The following DGKB variants were observed in gnomAD, a reference collection of about 807,000 sequenced individuals.
DGKB encodes the protein 90 kDa diacylglycerol kinase.
A neutral mutation model predicts 114.3 loss-of-function variants in DGKB; 67 were observed. That is an observed-to-expected ratio of 0.59 (90% CI 0.48 to 0.72). The LOEUF is 0.72. DGKB is among the 30% of genes least tolerant of loss of function. The pLI, the probability that DGKB is intolerant of heterozygous loss-of-function variation, is 0.00. For synonymous variants in DGKB, 398 were observed against 323.1 expected, an observed-to-expected ratio of 1.23 and a Z score of -2.49; for missense variants, 907 against 975.2, an observed-to-expected ratio of 0.93 and a Z score of 0.93.
At chr7:14,946,882 C>A (rs533001867) in intron 1 of DGKB, among the ~76,000 whole-genome samples, 1 of 151,748 alleles carries the variant, frequency 6.6e-6, no homozygotes, top group East Asian at 1.9e-4. Context: ...TATAATCCAA[C>A]AAATCATCAA....
intron 2 of DGKB, among the ~76,000 whole-genome samples, chr7:14,787,620 G>A (rs1449567810): frequency 2.6e-5 from 4 of 152,084 alleles, no homozygotes; most frequent in Admixed American, 6.5e-5. Flanking sequence ...AAGTGTGGTC[G>A]GGGTAACAGT....
intron 23 of DGKB, among the ~76,000 whole-genome samples, chr7:14,267,342 G>T (rs2128424336): frequency 6.6e-6 from 1 of 152,236 alleles, no homozygotes. Flanking sequence ...GAAGAAGGTG[G>T]ACCTAGGTGA....
Position 14,521,679 on chromosome 7 carries a change from T to C in DGKB, c.1771-43454A>G, listed in dbSNP as rs1789793555. Among the ~76,000 whole-genome samples, 3 of 152,192 alleles carry C rather than the reference T, an allele frequency of 2.0e-5. No homozygotes were observed. In the South Asian group the frequency reaches 6.2e-4, roughly 31 times the overall value. ...ATTTTCATGGATCCCTTTAATTCTTTGAACAATTTTTATTTTTAAAACACA... is the reference window on the plus strand; with the variant it reads ...ATTTTCATGGATCCCTTTAATTCTTCGAACAATTTTTATTTTTAAAACACA... On this transcript the variant is annotated intron_variant, in intron 20 of 25. Transcript: ENST00000402815.
At chr7:14,805,667 G>T (rs757794601) in intron 2 of DGKB, among the ~76,000 whole-genome samples, 15 of 151,828 alleles carry the variant, frequency 9.9e-5, no homozygotes, top group Non-Finnish European at 1.9e-4. Flanking sequence ...AATCTTTAGA[G>T]AATTTTTTTT....
chr7:14,240,711 A>G (rs1157852299), intron 23 of DGKB, among the ~76,000 whole-genome samples: 1 of 152,104 alleles, frequency 6.6e-6, no homozygotes, highest in Admixed American at 6.6e-5. Flanking sequence ...AGTGGTGAGA[A>G]GCTACCTTTC....
intron 13 of DGKB, among the ~76,000 whole-genome samples, chr7:14,664,834 T>C (rs1020560033): frequency 1.3e-5 from 2 of 151,760 alleles, no homozygotes; most frequent in Admixed American, 6.6e-5. Flanking sequence ...AGACAACTGC[T>C]CTTATCTGGA....
intron 23 of DGKB, among the ~76,000 whole-genome samples, chr7:14,276,797 C>T (rs890106053): frequency 6.6e-5 from 10 of 151,774 alleles, no homozygotes; most frequent in Admixed American, 6.6e-4. Context: ...CTTTAATTTA[C>T]AGATAAAGGA....
At chr7:14,496,250 T>C (rs1254607748) in intron 20 of DGKB, among the ~76,000 whole-genome samples, 1 of 151,908 alleles carries the variant, frequency 6.6e-6, no homozygotes, top group Admixed American at 6.6e-5. Context: ...AATGCCCATA[T>C]GGTCAAACTT....
At chr7:14,153,139 A>T (rs1166737050) in intron 25 of DGKB, among the ~76,000 whole-genome samples, 2 of 152,100 alleles carry the variant, frequency 1.3e-5, no homozygotes, top group African/African-American at 2.4e-5. Context: ...GGGAAGAGAG[A>T]TGGGTCTTCC....
chr7:14,766,821 A>G (rs2128463604), intron 2 of DGKB, among the ~76,000 whole-genome samples: 1 of 152,002 alleles, frequency 6.6e-6, no homozygotes, highest in East Asian at 1.9e-4. Flanking sequence ...ATGAATGCCT[A>G]GTGAAATAGC....
chr7:14,455,243 A>G (rs577316462), intron 21 of DGKB, among the ~76,000 whole-genome samples: 24 of 152,120 alleles, frequency 1.6e-4, no homozygotes, highest in African/African-American at 5.3e-4. Flanking sequence ...TCTGCTAGAG[A>G]GCTTGGAACA....
At chr7:14,959,318 G>T (rs1786702358) in intron 1 of DGKB, among the ~76,000 whole-genome samples, 1 of 151,054 alleles carries the variant, frequency 6.6e-6, no homozygotes, top group Admixed American at 6.6e-5. Flanking sequence ...TACTGATTTT[G>T]ACAGACTGAT....
chr7:14,671,208 C>T (rs751756465), intron 13 of DGKB, among the ~76,000 whole-genome samples: 4 of 152,006 alleles, frequency 2.6e-5, no homozygotes, highest in East Asian at 1.9e-4. Context: ...AGGGATGCAC[C>T]GACATGGGCA....
chr7:14,297,417 C>T (rs79318427), intron 23 of DGKB, among the ~76,000 whole-genome samples: 2 of 152,172 alleles, frequency 1.3e-5, no homozygotes, highest in Middle Eastern at 3.4e-3. Context: ...AATCAATAAA[C>T]GTAAACCATC....
chr7:14,172,077 A>G (rs1781082394), intron 25 of DGKB, among the ~76,000 whole-genome samples: 1 of 152,224 alleles, frequency 6.6e-6, no homozygotes, highest in South Asian at 2.1e-4. Context: ...GGAAGCATTT[A>G]TGGAGGAGGG....
At chr7:14,331,257 G>A (rs543982576) in intron 23 of DGKB, among the ~76,000 whole-genome samples, 31 of 151,958 alleles carry the variant, frequency 2.0e-4, no homozygotes, top group African/African-American at 7.0e-4. Context: ...TTTGTGAAAT[G>A]CAACATCTCA....
At chr7:14,747,778 C>T (rs992135928) in intron 4 of DGKB, among the ~76,000 whole-genome samples, 12 of 151,738 alleles carry the variant, frequency 7.9e-5, no homozygotes, top group South Asian at 2.1e-4. Context: ...TCCACGCGCA[C>T]GCACACACAC....
rs186239954 is a variant in DGKB, at chr7:14,424,686, A to C, written c.1835+53475T>G. Among the ~76,000 whole-genome samples, 192 of 152,246 alleles carry C rather than the reference A, an allele frequency of 1.3e-3. 1 individual carries two copies. The highest frequency in any genetic ancestry group is 4.4e-3 in the African/African-American group (185 of 41,584). On this transcript the variant is annotated intron_variant, in intron 21 of 25. Coordinates refer to ENST00000402815, the MANE Select transcript of DGKB (RefSeq NM_001350709.2). ...TTCAAACCGGGTCTCCGGATTCCTC[A>C]GTCCTTGTTCTCCATGAACTGCATA...
At chr7:14,973,210 T>C (rs952427788) in intron 1 of DGKB, among the ~76,000 whole-genome samples, 18 of 151,986 alleles carry the variant, frequency 1.2e-4, no homozygotes, top group African/African-American at 3.9e-4. Context: ...TCTGAATATA[T>C]TTCTTCTCTA....
Sources: allele counts gnomAD v4.1 joint callset (sites outside exome capture counted in the v4.1 genomes callset), GRCh38; gene constraint gnomAD v4.1.1; transcripts MANE v1.5; gene names NCBI Gene and HGNC (gene_info 2026-07-23, HGNC 2026-07-21).